PCDHGB4: variants seen among roughly 807,000 people sequenced by gnomAD.
PCDHGB4 encodes protocadherin gamma-B4.
Under a neutral mutation model 60.5 loss-of-function variants are expected in PCDHGB4, and 38 were observed. The observed-to-expected ratio is 0.63, with a 90% CI of 0.48 to 0.82. The LOEUF (loss-of-function observed/expected upper bound fraction) is 0.82. PCDHGB4 is among the 40% of genes least tolerant of loss of function. PCDHGB4 has a pLI of 0.00. For missense variants in PCDHGB4, 1,109 were observed against 1,209.6 expected (o/e 0.92, Z 1.23); for synonymous variants, 456 against 509.7 (o/e 0.89, Z 1.42).
chr5:141,399,590 T>G, intron 1 of PCDHGB4: 1 of 1,613,972 alleles, frequency 6.2e-7, no homozygotes, highest in East Asian at 2.2e-5. Context: ...TACTCTATCA[T>G]GGCCAGCGAC....
intron 1 of PCDHGB4, among the ~76,000 whole-genome samples, chr5:141,453,225 C>T (rs2098758997): frequency 6.6e-6 from 1 of 152,044 alleles, no homozygotes; most frequent in African/African-American, 2.4e-5. Context: ...GCGATCCTCC[C>T]ACCTCAGCCT....
intron 1 of PCDHGB4, chr5:141,415,500 C>G (rs754684999): frequency 6.2e-6 from 10 of 1,614,074 alleles, no homozygotes; most frequent in Non-Finnish European, 8.5e-6. Context: ...TGATCTTCCC[C>G]CAGCCCAATT....
At chr5:141,395,215 A>G in intron 1 of PCDHGB4, 1 of 1,612,350 alleles carries the variant, frequency 6.2e-7, no homozygotes, top group Middle Eastern at 1.7e-4. Context: ...CATGAATATA[A>G]GAATGAAGCT....
chr5:141,436,140 A>G (rs1324666699), intron 1 of PCDHGB4, among the ~76,000 whole-genome samples: 2 of 152,224 alleles, frequency 1.3e-5, no homozygotes, highest in Non-Finnish European at 2.9e-5. Flanking sequence ...TCTTGTATGA[A>G]CTACCAAAAT....
chr5:141,391,206 C>G (rs1004320707), intron 1 of PCDHGB4: 14 of 152,076 alleles, frequency 9.2e-5, no homozygotes, highest in African/African-American at 3.4e-4. Flanking sequence ...TACAAAATAC[C>G]AAGGAACATT....
intron 2 of PCDHGB4, among the ~76,000 whole-genome samples, chr5:141,499,016 GGAAGGAA>G (rs2099788564): frequency 7.0e-6 from 1 of 143,496 alleles, no homozygotes; most frequent in Non-Finnish European, 1.5e-5. Flanking sequence ...AAGGAAGGAA[GGAAGGAA>G]GGAAGAAAAG....
At chr5:141,427,861 T>G (rs776215800) in intron 1 of PCDHGB4, 2 of 1,556,958 alleles carry the variant, frequency 1.3e-6, no homozygotes, top group Admixed American at 1.7e-5. Flanking sequence ...CTGTGCGCCT[T>G]CGAGCTCACG....
chr5:141,434,667 G>T (rs1464226862), intron 1 of PCDHGB4, among the ~76,000 whole-genome samples: 3 of 152,074 alleles, frequency 2.0e-5, no homozygotes, highest in East Asian at 3.9e-4. Context: ...CTATAGAAAT[G>T]ATGCTAATGA....
Position 141,487,306 on chromosome 5 carries a change from ACT to A in PCDHGB4, c.2398-7496_2398-7495del. 1 of 1,613,414 alleles carries A rather than the reference ACT, an allele frequency of 6.2e-7. No individual in the cohort carries two copies. The highest frequency in any genetic ancestry group is 8.5e-7 in the Non-Finnish European group (1 of 1,179,874). ...TCTCCTTTGGCTCATTCGTGGCACT[ACT>A]CTCTAAGTGTCTTCGTGGGGCAGCC... On this transcript the variant is annotated intron_variant, in intron 1 of 3. Coordinates refer to ENST00000519479, the MANE Select transcript of PCDHGB4 (RefSeq NM_003736.4). The surrounding 1 kb of genome is among the most constrained non-coding windows in gnomAD (Gnocchi z 5.0).
chr5:141,446,253 A>T (rs1452074783), intron 1 of PCDHGB4, among the ~76,000 whole-genome samples: 3 of 152,164 alleles, frequency 2.0e-5, no homozygotes, highest in African/African-American at 7.2e-5. Context: ...CTTCAGTGAA[A>T]TATTATTAAC....
At chr5:141,415,285 G>T in intron 1 of PCDHGB4, 1 of 1,614,216 alleles carries the variant, frequency 6.2e-7, no homozygotes. Flanking sequence ...GGTGGCCGCG[G>T]TCTCCTGCGT....
Position 141,458,007 on chromosome 5 carries a change from C to T in PCDHGB4, c.2398-36800C>T, listed in dbSNP as rs142050242. Among the ~76,000 whole-genome samples the T allele has an allele frequency of 1.3e-3, 200 of 152,274 alleles. 1 individual carries two copies. The East Asian group carries it at 0.032, about 24-fold the overall frequency. ...TCAGTTAAAGCCTTGGCAAAATAAC[C>T]GGTTTTTCCAATTGTGTTCTGTTGA... On this transcript the variant is annotated intron_variant, in intron 1 of 3. Transcript: ENST00000519479.
chr5:141,510,398 G>A (rs2099880972), intron 3 of PCDHGB4, among the ~76,000 whole-genome samples: 1 of 152,064 alleles, frequency 6.6e-6, no homozygotes, highest in African/African-American at 2.4e-5. Flanking sequence ...CTTGGCAAAG[G>A]CTAGGGGCAT....
In PCDHGB4 at chr5:141,491,272, A is replaced by G. The variant is rs2099710110; in HGVS notation, c.2398-3535A>G. On this transcript the variant is annotated intron_variant, in intron 1 of 3. Transcript: ENST00000519479. The surrounding 1 kb of genome is among the most constrained non-coding windows in gnomAD (Gnocchi z 6.9). The stretch of plus-strand genomic sequence containing the variant: ...GGACCCTGAGGAAATGCCCAAATCC[A>G]GTGACTTCCTCATACACCCTCCTGA... The G allele has an allele frequency of 1.2e-6, 2 of 1,614,084 alleles. No homozygotes were observed. Among genetic ancestry groups the G allele is most frequent in the Non-Finnish European group, 1.7e-6 (2 of 1,179,928 alleles).
chr5:141,441,195 A>C (rs1160365905), intron 1 of PCDHGB4: 1 of 152,224 alleles, frequency 6.6e-6, no homozygotes, highest in Non-Finnish European at 1.5e-5. Context: ...TGATTCCCAA[A>C]GATTCTGCAC....
Position 141,405,325 on chromosome 5 carries a change from G to C in PCDHGB4, c.2397+15044G>C, listed in dbSNP as rs17097274. ...AGAGCTGTGAGAAAAATGAGCCTTT[G>C]TGCGTCTCTGTTGATTCCAAGTTTC... On this transcript the variant is annotated intron_variant, in intron 1 of 3. Transcript: ENST00000519479. The C allele has an allele frequency of 9.4e-4, 1,513 of 1,614,170 alleles. 9 individuals are homozygous for C. The African/African-American group carries it at 0.016, about 17-fold the overall frequency.
chr5:141,419,494 T>A, intron 1 of PCDHGB4: 1 of 1,612,380 alleles, frequency 6.2e-7, no homozygotes, highest in Non-Finnish European at 8.5e-7. Context: ...TCAGCGCCAA[T>A]GTGAGCCTGC....
chr5:141,409,259 T>C lies in PCDHGB4; in HGVS notation c.2397+18978T>C, dbSNP rs370130162. ...CCCAGAAATAATCATCACTTCTCTC[T>C]CTGATCAGATTTTGGAGAATTCACC... is the stretch of plus-strand genomic sequence containing the variant. On this transcript the variant is annotated intron_variant, in intron 1 of 3. Coordinates refer to ENST00000519479, the MANE Select transcript of PCDHGB4 (RefSeq NM_003736.4). The C allele has an allele frequency of 1.9e-6, 3 of 1,614,012 alleles. No individual in the cohort carries two copies. Among genetic ancestry groups the C allele is most frequent in the South Asian group, 2.2e-5 (2 of 91,082 alleles).
chr5:141,494,894 C>A, intron 2 of PCDHGB4, 29 bp downstream of exon 2: 1 of 1,614,116 alleles, frequency 6.2e-7, no homozygotes, highest in South Asian at 1.1e-5. Flanking sequence ...AGCCCACCCT[C>A]TTCTCTGCGG....
Sources: allele counts gnomAD v4.1 joint callset (sites outside exome capture counted in the v4.1 genomes callset), GRCh38; gene constraint gnomAD v4.1.1; non-coding constraint Gnocchi (gnomAD v3.1); transcripts MANE v1.5; gene names NCBI Gene and HGNC (gene_info 2026-07-23, HGNC 2026-07-21).